The following TRPV5 variants were observed in gnomAD, a reference collection of about 807,000 sequenced individuals.
The protein encoded by TRPV5 is calcium transport protein 2.
Under a neutral mutation model 74.1 loss-of-function variants are expected in TRPV5, and 66 were observed. The ratio of observed to expected loss-of-function variants is 0.89; its 90% CI spans 0.73 to 1.09. TRPV5 has a LOEUF of 1.09. TRPV5 is among the 50% of genes least tolerant of loss of function. TRPV5 has a pLI of 0.00. For synonymous variants in TRPV5, 399 were observed against 360.7 expected, an observed-to-expected ratio of 1.11 and a Z score of -1.20; for missense variants, 936 against 930.4, an observed-to-expected ratio of 1.01 and a Z score of -0.08.
chr7:142,927,263 C>T (rs779713125), intron 7 of TRPV5, among the ~76,000 whole-genome samples: 36 of 152,134 alleles, frequency 2.4e-4, no homozygotes, highest in Admixed American at 3.9e-4. Flanking sequence ...ACAACTATTA[C>T]GGCATATGTC....
At chr7:142,930,850 G>T (rs1031000350) in intron 1 of TRPV5, among the ~76,000 whole-genome samples, 3 of 152,020 alleles carry the variant, frequency 2.0e-5, no homozygotes, top group Non-Finnish European at 4.4e-5. Flanking sequence ...TTCCATCTGC[G>T]GTCCCCCTGC....
intron 8 of TRPV5, among the ~76,000 whole-genome samples, chr7:142,922,602 G>A (rs1795903833): frequency 6.6e-6 from 1 of 152,152 alleles, no homozygotes; most frequent in Non-Finnish European, 1.5e-5. Flanking sequence ...AGCTTCCTAG[G>A]TTTCTAGTGT....
At chr7:142,931,743 C>T (rs938023564) in intron 1 of TRPV5, among the ~76,000 whole-genome samples, 1 of 152,144 alleles carries the variant, frequency 6.6e-6, no homozygotes, top group African/African-American at 2.4e-5. Context: ...ACTCTATTGC[C>T]CAGACTGGAG....
At chr7:142,929,153 C>T (rs375788743) in intron 4 of TRPV5, 33 bp from the exon 5 acceptor site, 26 of 1,608,588 alleles carry the variant, frequency 1.6e-5, no homozygotes, top group South Asian at 1.0e-4. Flanking sequence ...GGCAGGAGAA[C>T]GCAGGATGGC....
In TRPV5 at chr7:142,908,700, G is replaced by C; in HGVS notation, c.2004C>G (p.Pro668=). The C allele has an allele frequency of 1.2e-6, 2 of 1,614,230 alleles. No homozygotes were observed. The highest frequency in any genetic ancestry group is 2.2e-5 in the South Asian group (2 of 91,092). The change falls in exon 15 of 15, where the codon CCC becomes CCG. Residue 668 remains proline (P), a synonymous_variant. Coordinates refer to ENST00000265310, the MANE Select transcript of TRPV5 (RefSeq NM_019841.7). ...CTAGAGTCCCACTCTCAGCCCCAGA[G>C]GGCTGTTTCTCAGATGGATGCTCCT... is the stretch of plus-strand genomic sequence containing the variant. ...DDQEHPSEKQ[P]SGAESGTLAR...
chr7:142,922,235 G>A (rs1795896535), intron 8 of TRPV5, among the ~76,000 whole-genome samples: 1 of 152,196 alleles, frequency 6.6e-6, no homozygotes, highest in Non-Finnish European at 1.5e-5. Context: ...TAGCCTATAT[G>A]AGGCTCTCAA....
intron 1 of TRPV5, among the ~76,000 whole-genome samples, chr7:142,932,959 G>C (rs1226886896): frequency 6.6e-6 from 1 of 151,968 alleles, no homozygotes; most frequent in Non-Finnish European, 1.5e-5. Flanking sequence ...TTTCCTTATC[G>C]TGCTTCCACC....
chr7:142,916,620 A>G (rs1165999877), intron 8 of TRPV5, among the ~76,000 whole-genome samples: 1 of 152,216 alleles, frequency 6.6e-6, no homozygotes, highest in African/African-American at 2.4e-5. Flanking sequence ...AAAGGAGTTG[A>G]GAGTCCCCTG....
At chr7:142,924,072 T>A (rs1269230832) in intron 8 of TRPV5, among the ~76,000 whole-genome samples, 1 of 151,672 alleles carries the variant, frequency 6.6e-6, no homozygotes, top group Non-Finnish European at 1.5e-5. Context: ...TTTCCTCATG[T>A]CTCCATGCCA....
At chr7:142,915,693 C>A in intron 8 of TRPV5, 125 bp from the exon 9 acceptor site, 1 of 850,630 alleles carries the variant, frequency 1.2e-6, no homozygotes, top group South Asian at 1.7e-5. Context: ...CAGCATCACC[C>A]CACCCCCATT....
chr7:142,921,026 T>C (rs1795877842), intron 8 of TRPV5, among the ~76,000 whole-genome samples: 1 of 152,202 alleles, frequency 6.6e-6, no homozygotes, highest in African/African-American at 2.4e-5. Flanking sequence ...CCACCATGAG[T>C]TGGTTAGGAC....
In TRPV5 at chr7:142,914,987, C is replaced by G. The variant is rs1795768470; in HGVS notation, c.1346G>C (p.Gly449Ala). ...GGCAAAGGACATGGGCACCACCTCC[C>G]CATTGGTGTTGGTGAGCCGCATCAC... ...TMVMRLTNTN[G>A]EVVPMSFALV... The change falls in exon 11 of 15, where the codon GGG becomes GCG. Residue 449 changes from glycine to alanine, a missense_variant. By Grantham distance (60) the Gly-to-Ala change is moderately conservative. Transcript: ENST00000265310. The G allele has an allele frequency of 6.2e-7, 1 of 1,614,166 alleles. No homozygotes were observed. Among genetic ancestry groups the G allele is most frequent in the South Asian group, 1.1e-5 (1 of 91,084 alleles).
intron 10 of TRPV5, 102 bp downstream of exon 10, chr7:142,915,205 T>C: frequency 1.3e-6 from 2 of 1,535,148 alleles, no homozygotes; most frequent in Non-Finnish European, 8.9e-7. Flanking sequence ...GAGAAGTCCT[T>C]GGAGTGAGAG....
intron 8 of TRPV5, chr7:142,925,240 T>C (rs1795962780): frequency 3.5e-6 from 2 of 569,024 alleles, no homozygotes; most frequent in South Asian, 2.4e-5. Context: ...AAAACCCTGA[T>C]ACTTTTTGTA....
Position 142,914,959 on chromosome 7 carries a change from C to T in TRPV5, c.1374G>A (p.Leu458=). 1 of 1,614,140 alleles carries T rather than the reference C, an allele frequency of 6.2e-7. No individual in the cohort carries two copies. The highest frequency in any genetic ancestry group is 8.5e-7 in the Non-Finnish European group (1 of 1,180,026). Residue 458 remains leucine, a synonymous_variant, in exon 11 of 15, where the codon CTG becomes CTA. Transcript: ENST00000265310. ...ACATGACACTGCACCAGCCCAGCAC[C>T]AGGGCAAAGGACATGGGCACCACCT... ...NGEVVPMSFA[L]VLGWCSVMYF... is the part of the protein sequence containing the mutation.
chr7:142,916,658 G>A (rs1002988171), intron 8 of TRPV5, among the ~76,000 whole-genome samples: 4 of 152,176 alleles, frequency 2.6e-5, no homozygotes, highest in Non-Finnish European at 5.9e-5. Flanking sequence ...GATGATTTGA[G>A]CCAGGGAGAA....
rs760942343 is a variant in TRPV5 at position 142,930,126 on chromosome 7, G to T, written c.281C>A (p.Ala94Glu). The change falls in exon 3 of 15, where the codon GCG becomes GAG. Residue 94 changes from alanine to glutamate, a missense_variant. Physicochemically the swap from Ala to Glu is moderately radical, Grantham distance 107 (BLOSUM62 -1). Transcript: ENST00000265310. The stretch of plus-strand genomic sequence containing the variant: ...GGCAGCCTCCATCAGCACCAAGGCC[G>T]CCTCCAAGTTGTCATAGAGGGCTGC... ...HIAALYDNLEAALVLMEAAPE... is the reference protein window; with the variant it reads ...HIAALYDNLEEALVLMEAAPE... 6.2e-7 allele frequency: 1 copy of T among 1,614,150 alleles called. No individual in the cohort carries two copies. The highest frequency in any genetic ancestry group is 1.7e-5 in the Admixed American group (1 of 60,010).
At chr7:142,922,171 G>A (rs906079805) in intron 8 of TRPV5, among the ~76,000 whole-genome samples, 5 of 152,238 alleles carry the variant, frequency 3.3e-5, no homozygotes, top group African/African-American at 1.2e-4. Flanking sequence ...CAGACATCAT[G>A]TGTGTTTTGC....
At chr7:142,915,443 G>T in intron 9 of TRPV5, 39 bp downstream of exon 9, 1 of 1,612,016 alleles carries the variant, frequency 6.2e-7, no homozygotes, top group Non-Finnish European at 8.5e-7. Context: ...CTGGGCCTTA[G>T]ATGGGATGGG....
Sources: allele counts gnomAD v4.1 joint callset (sites outside exome capture counted in the v4.1 genomes callset), GRCh38; gene constraint gnomAD v4.1.1; transcripts MANE v1.5; gene names NCBI Gene and HGNC (gene_info 2026-07-23, HGNC 2026-07-21).